Variants in PDXDC1 observed in about 807,000 individuals in gnomAD.
PDXDC1 encodes pyridoxal-dependent decarboxylase domain-containing protein 1.
PDXDC1 carries 42 observed loss-of-function variants against 100.1 expected under a neutral mutation model. The observed-to-expected ratio is 0.42, with a 90% CI of 0.33 to 0.54. PDXDC1 has a LOEUF of 0.54. Among genes scored for constraint, PDXDC1 ranks in the 20% least tolerant of loss-of-function variants. PDXDC1 has a pLI of 0.10. For missense variants in PDXDC1, 636 were observed against 979.2 expected (o/e 0.65, Z 4.68); for synonymous variants, 260 against 371.7 (o/e 0.70, Z 3.46).
chr16:15,128,206 C>T (rs1164781749), intron 16 of PDXDC1: 12 of 1,610,892 alleles, frequency 7.4e-6, no homozygotes, highest in Non-Finnish European at 1.0e-5. Flanking sequence ...CAGAGCTTGG[C>T]AGGGTCCGCA....
chr16:15,083,501 A>G, intron 16 of PDXDC1: 1 of 1,608,690 alleles, frequency 6.2e-7, no homozygotes, highest in Non-Finnish European at 8.5e-7. Flanking sequence ...TCTCAATGAA[A>G]AGATTTCTTA....
chr16:15,090,841 T>C (rs1265587577), intron 16 of PDXDC1, among the ~76,000 whole-genome samples: 1 of 151,296 alleles, frequency 6.6e-6, no homozygotes, highest in Non-Finnish European at 1.5e-5. Context: ...GATAGGTGTA[T>C]CTCGAACCTG....
At chr16:15,131,596 G>T (rs1278304662) in intron 16 of PDXDC1, 2 of 1,603,778 alleles carry the variant, frequency 1.2e-6, no homozygotes, top group Admixed American at 1.7e-5. Flanking sequence ...GCGCATGAGG[G>T]CAGAGGTCAG....
intron 16 of PDXDC1, among the ~76,000 whole-genome samples, chr16:15,043,955 G>C (rs868681954): frequency 2.1e-4 from 31 of 149,428 alleles, no homozygotes; most frequent in African/African-American, 7.4e-4. Flanking sequence ...CTCAAAAAAA[G>C]AAAAAAAAAG....
chr16:15,091,344 T>C, intron 16 of PDXDC1: 1 of 1,589,358 alleles, frequency 6.3e-7, no homozygotes. Context: ...AGCTGGTTCT[T>C]CAACAACTCA....
At chr16:15,040,815 G>A (rs560547007), downstream of PDXDC1, among the ~76,000 whole-genome samples, 2 of 152,230 alleles carry the variant, frequency 1.3e-5, no homozygotes, top group South Asian at 4.2e-4. Flanking sequence ...GGGTGGGCAT[G>A]GCCTGTCCTT....
chr16:14,999,591 A>AT (rs1483138644), intron 3 of PDXDC1, among the ~76,000 whole-genome samples: 1 of 152,226 alleles, frequency 6.6e-6, no homozygotes, highest in Non-Finnish European at 1.5e-5. Flanking sequence ...GGTGTGTCAT[A>AT]CTTAGTTCAC....
Position 15,037,889 on chromosome 16 carries a change from T to C in PDXDC1, c.*1614T>C, listed in dbSNP as rs2043587073. On this transcript the variant is annotated 3_prime_UTR_variant, in exon 23 of 23. Coordinates refer to ENST00000396410, the MANE Select transcript of PDXDC1 (RefSeq NM_015027.4). ...AAATAAGGTTTTATTTTGAAAGTCA[T>C]TTGATGAAAGTCATTTGAAAGACAC... The C allele has an allele frequency of 1.8e-6, 1 of 571,424 alleles. No homozygotes were observed. Among genetic ancestry groups the C allele is most frequent in the African/African-American group, 1.9e-5 (1 of 53,368 alleles). 35.4% of individuals were successfully genotyped at this position (571,424 alleles called of 1,614,324 possible).
At chr16:15,072,777 A>G (rs1395994499) in intron 16 of PDXDC1, among the ~76,000 whole-genome samples, 9 of 152,212 alleles carry the variant, frequency 5.9e-5, no homozygotes, top group Non-Finnish European at 1.2e-4. Context: ...CAAAAAAGAA[A>G]GGAAAAGAAA....
chr16:15,038,230 G>A lies in PDXDC1; in HGVS notation c.*1955G>A, dbSNP rs368736049. 4.4e-5 allele frequency: 70 copies of A among 1,603,746 alleles called. No individual in the cohort carries two copies. In the African/African-American group the frequency reaches 7.6e-4, roughly 18 times the overall value. ...AAGATTCTGAAAACACAAGATGGTG[G>A]GCATTAGAGAAGCCAACCTTACTGT... On this transcript the variant is annotated 3_prime_UTR_variant, in exon 23 of 23. Coordinates refer to ENST00000396410, the MANE Select transcript of PDXDC1 (RefSeq NM_015027.4).
Position 15,037,336 on chromosome 16 carries a change from G to A in PDXDC1, c.*1061G>A, listed in dbSNP as rs2043518952. On this transcript the variant is annotated 3_prime_UTR_variant, in exon 23 of 23. Coordinates refer to ENST00000396410, the MANE Select transcript of PDXDC1 (RefSeq NM_015027.4). ...TGTGCCTTCTTAATCCAGCAGTCAAGCTTTTGGGAGACCTGAAAATGGGAA... is the reference window on the plus strand; with the variant it reads ...TGTGCCTTCTTAATCCAGCAGTCAAACTTTTGGGAGACCTGAAAATGGGAA... 1 of 152,248 alleles carries A rather than the reference G, an allele frequency of 6.6e-6. No homozygotes were observed. The highest frequency in any genetic ancestry group is 6.5e-5 in the Admixed American group (1 of 15,280). The allele number at this position is 152,248 out of a possible 1,614,324, so 9.4% of individuals were successfully genotyped here.
intron 16 of PDXDC1, among the ~76,000 whole-genome samples, chr16:15,122,289 C>G (rs2047461440): frequency 6.7e-6 from 1 of 149,328 alleles, no homozygotes. Flanking sequence ...CGGCTCACTG[C>G]AACGTCCAGC....
chr16:15,037,949 T>G lies in PDXDC1; in HGVS notation c.*1674T>G, dbSNP rs1597734289. 6.2e-6 allele frequency: 6 copies of G among 970,872 alleles called. No individual in the cohort carries two copies. The East Asian group carries it at 1.2e-4, about 20-fold the overall frequency. The allele number at this position is 970,872 out of a possible 1,614,324, so 60.1% of individuals were successfully genotyped here. ...AAGGAGGCCTAAGACCCAACAGATGTAGGATCCAGATCTGGATTCGTGCCA... is the reference window on the plus strand; with the variant it reads ...AAGGAGGCCTAAGACCCAACAGATGGAGGATCCAGATCTGGATTCGTGCCA... On this transcript the variant is annotated 3_prime_UTR_variant, in exon 23 of 23. Coordinates refer to ENST00000396410, the MANE Select transcript of PDXDC1 (RefSeq NM_015027.4).
chr16:15,017,343 T>C lies in PDXDC1; in HGVS notation c.884T>C (p.Met295Thr). 6.2e-7 allele frequency: 1 copy of C among 1,613,204 alleles called. No individual in the cohort carries two copies. Among genetic ancestry groups the C allele is most frequent in the East Asian group, 2.2e-5 (1 of 44,828 alleles). ...TAGGCTGCAGCCAAATGTGATAGCATGACGATGACTCCTGGCCCGTGGCTG... is the reference window on the plus strand; with the variant it reads ...TAGGCTGCAGCCAAATGTGATAGCACGACGATGACTCCTGGCCCGTGGCTG... Reference protein sequence around the residue: ...SVLAAAKCDSMTMTPGPWLGL... With the variant: ...SVLAAAKCDSTTMTPGPWLGL... The change falls in exon 11 of 23, where the codon ATG (methionine) becomes ACG (threonine). Residue 295 changes from methionine to threonine, a missense_variant. By Grantham distance (81) the Met-to-Thr change is moderately conservative (BLOSUM62 -1). Around this residue, in one of 4 missense-constraint regions of PDXDC1, gnomAD observed 125 missense variants for 479.9 expected, o/e 0.26. Transcript: ENST00000396410.
Position 15,119,862 on chromosome 16 carries a change from TG to T in PDXDC1, c.1400-19014del, listed in dbSNP as rs762863795. On this transcript the variant is annotated intron_variant, in intron 16 of 16. Transcript: ENST00000535621. ...CTCCTGCCTCAGCCTCCTGAGTAGC[TG>T]GGAGTATAGGTGCCTGACAGTGCAC... Among the ~76,000 whole-genome samples, 36 of 150,872 alleles carry T rather than the reference TG, an allele frequency of 2.4e-4. 1 individual carries two copies. The highest frequency in any genetic ancestry group is 4.6e-4 in the Non-Finnish European group (31 of 67,722).
chr16:15,130,123 T>C (rs1441873777), intron 16 of PDXDC1: 6 of 1,338,464 alleles, frequency 4.5e-6, no homozygotes, highest in East Asian at 2.5e-5. Flanking sequence ...GTGCAAGCTG[T>C]GCCTTCTCAG....
chr16:15,125,101 C>A, intron 16 of PDXDC1: 2 of 399,044 alleles, frequency 5.0e-6, no homozygotes, highest in Non-Finnish European at 9.0e-6. Context: ...GAGCCGAGAT[C>A]GTACCATTGC....
chr16:15,038,155 G>A lies in PDXDC1; in HGVS notation c.*1880G>A, dbSNP rs758509259. 6.2e-7 allele frequency: 1 copy of A among 1,613,096 alleles called. No individual in the cohort carries two copies. The highest frequency in any genetic ancestry group is 2.2e-5 in the East Asian group (1 of 44,874). ...GTGTTTTTTTAAAAACATCAAGGTA[G>A]ATCTAATATGTTCAACAAAGTGGGG... On this transcript the variant is annotated 3_prime_UTR_variant, in exon 23 of 23. Coordinates refer to ENST00000396410, the MANE Select transcript of PDXDC1 (RefSeq NM_015027.4).
chr16:15,125,762 C>G (rs1433485467), intron 16 of PDXDC1: 2 of 1,518,000 alleles, frequency 1.3e-6, no homozygotes, highest in South Asian at 1.1e-5. Context: ...CTGTCGATGT[C>G]CAGCACCTGC....
Sources: gnomAD v4.1 joint callset for allele counts (sites outside exome capture counted in the v4.1 genomes callset) on GRCh38, gnomAD v4.1.1 for gene constraint, gnomAD v4.1.1 regional missense constraint, MANE v1.5 for transcripts, NCBI Gene and HGNC (gene_info 2026-07-23, HGNC 2026-07-21) for gene names.